SLC9A9: variants seen among roughly 807,000 people sequenced by gnomAD.
SLC9A9 encodes the protein solute carrier family 9 member A9.
A neutral mutation model predicts 77.8 loss-of-function variants in SLC9A9; 62 were observed. The observed-to-expected ratio is 0.80, with a 90% confidence interval of 0.65 to 0.98. The LOEUF (loss-of-function observed/expected upper bound fraction) is 0.98, where lower values mean the gene tolerates loss of function less well. Ranked by LOEUF, SLC9A9 falls within the 50% of genes least tolerant of loss-of-function variation. The probability of loss-of-function intolerance (pLI) is 0.00; values close to 1 mark genes in which losing one functional copy is unlikely to be tolerated. For missense variants in SLC9A9, 775 were observed against 774.9 expected (o/e 1.00, Z 0.00); for synonymous variants, 320 against 283.5 (o/e 1.13, Z -1.29).
chr3:143,477,589 A>C (rs73867660), intron 11 of SLC9A9, among the ~76,000 whole-genome samples: 1,766 of 152,122 alleles, frequency 0.012, 33 homozygotes, highest in African/African-American at 0.04. Flanking sequence ...GGCATCCCCC[A>C]AACCCCACCC....
intron 2 of SLC9A9, among the ~76,000 whole-genome samples, chr3:143,819,275 G>A (rs995002212): frequency 1.3e-5 from 2 of 152,204 alleles, no homozygotes; most frequent in South Asian, 4.1e-4. Flanking sequence ...AGTTAGAAAT[G>A]TCCCATTGTG....
At chr3:143,696,903 AT>A (rs1307142723) in intron 4 of SLC9A9, among the ~76,000 whole-genome samples, 1 of 152,074 alleles carries the variant, frequency 6.6e-6, no homozygotes, top group Non-Finnish European at 1.5e-5. Flanking sequence ...CAATTTGGCA[AT>A]TTATTCTAAA....
intron 8 of SLC9A9, among the ~76,000 whole-genome samples, chr3:143,559,048 G>T (rs1004583949): frequency 1.3e-5 from 2 of 152,152 alleles, no homozygotes; most frequent in East Asian, 3.9e-4. Flanking sequence ...ATAAGATTCA[G>T]GTATTTCCCC....
intron 2 of SLC9A9, among the ~76,000 whole-genome samples, chr3:143,826,327 C>T (rs1472668592): frequency 6.6e-6 from 1 of 151,832 alleles, no homozygotes; most frequent in African/African-American, 2.4e-5. Flanking sequence ...CTTCTTCTAA[C>T]TTTTAACTTC....
intron 14 of SLC9A9, among the ~76,000 whole-genome samples, chr3:143,271,824 G>A (rs541883264): frequency 4.5e-4 from 69 of 152,318 alleles, no homozygotes; most frequent in African/African-American, 1.6e-3. Flanking sequence ...ACTCTCTGTG[G>A]CTGTGAATGG....
At chr3:143,829,798 G>A (rs963212305) in intron 2 of SLC9A9, among the ~76,000 whole-genome samples, 5 of 152,296 alleles carry the variant, frequency 3.3e-5, no homozygotes, top group African/African-American at 4.8e-5. Context: ...ACTAGTAGTA[G>A]TAGTGGTGGT....
intron 4 of SLC9A9, among the ~76,000 whole-genome samples, chr3:143,725,325 T>C (rs1048969809): frequency 2.0e-5 from 3 of 152,052 alleles, no homozygotes; most frequent in African/African-American, 7.2e-5. Flanking sequence ...GAAGTCAGTG[T>C]GGCGATTCCT....
Position 143,405,327 on chromosome 3 carries a change from T to C in SLC9A9, c.1470-23213A>G, listed in dbSNP as rs578201229. Among the ~76,000 whole-genome samples the C allele has an allele frequency of 1.2e-4, 18 of 152,328 alleles. 1 individual carries two copies. The highest frequency in any genetic ancestry group is 5.9e-4 in the Admixed American group (9 of 15,306). ...CTCTCTTGGCAGGGCTGTGGAGCCGTAGACCTCCCATTTTACCTCTCTTGG... is the reference window on the plus strand; with the variant it reads ...CTCTCTTGGCAGGGCTGTGGAGCCGCAGACCTCCCATTTTACCTCTCTTGG... On this transcript the variant is annotated intron_variant, in intron 12 of 15. Transcript: ENST00000316549.
chr3:143,655,216 G>T (rs913182982), intron 5 of SLC9A9, among the ~76,000 whole-genome samples: 4 of 152,150 alleles, frequency 2.6e-5, no homozygotes, highest in South Asian at 2.1e-4. Context: ...AATCTTACAC[G>T]CAATGTCCAA....
intron 12 of SLC9A9, among the ~76,000 whole-genome samples, chr3:143,387,139 C>T (rs2033446155): frequency 6.6e-6 from 1 of 152,056 alleles, no homozygotes; most frequent in African/African-American, 2.4e-5. Flanking sequence ...CTGTGCCTCG[C>T]CTGGTTTGGA....
intron 14 of SLC9A9, among the ~76,000 whole-genome samples, chr3:143,271,312 G>T (rs925618256): frequency 2.6e-5 from 4 of 152,150 alleles, no homozygotes; most frequent in African/African-American, 9.7e-5. Context: ...CTCTGTGCAG[G>T]CTCCAGGATT....
intron 15 of SLC9A9, 37 bp downstream of exon 15, chr3:143,268,838 G>T: frequency 6.6e-7 from 1 of 1,524,366 alleles, no homozygotes; most frequent in African/African-American, 1.4e-5. Flanking sequence ...TCCCACAAGG[G>T]ATATTCCCTC....
chr3:143,751,427 T>C (rs67534321), intron 4 of SLC9A9, among the ~76,000 whole-genome samples: 18,386 of 152,182 alleles, frequency 0.12, 1,958 homozygotes, highest in African/African-American at 0.29. Context: ...TGAAGGAAGC[T>C]ATCTTTCCTG....
chr3:143,368,364 G>A (rs941898191), intron 13 of SLC9A9, among the ~76,000 whole-genome samples: 1 of 152,158 alleles, frequency 6.6e-6, no homozygotes, highest in African/African-American at 2.4e-5. Context: ...AGCAAGAAGG[G>A]ATTGTTTATT....
chr3:143,716,904 T>C (rs1237354079), intron 4 of SLC9A9, among the ~76,000 whole-genome samples: 5 of 152,048 alleles, frequency 3.3e-5, no homozygotes. Context: ...GAGGCAACAG[T>C]AATGTGTTCA....
rs189789014 is a variant in SLC9A9, at chr3:143,490,758, A to T, written c.1315+2895T>A. Among the ~76,000 whole-genome samples the T allele has an allele frequency of 2.0e-3, 310 of 152,354 alleles. 2 individuals carry two copies. Among genetic ancestry groups the T allele is most frequent in the South Asian group, 3.7e-3 (18 of 4,826 alleles). ...TTGCTGTGGCTATGAGTCTCAAAAC[A>T]GTGCCAATGAAAGGGCTCAGGAAGG... is the stretch of plus-strand genomic sequence containing the variant. On this transcript the variant is annotated intron_variant, in intron 11 of 15. Transcript: ENST00000316549.
chr3:143,734,150 T>C (rs1376048384), intron 4 of SLC9A9, among the ~76,000 whole-genome samples: 2 of 152,002 alleles, frequency 1.3e-5, no homozygotes, highest in East Asian at 3.9e-4. Flanking sequence ...TGAGCTATGA[T>C]TGCACCACTG....
chr3:143,304,131 T>C (rs1402663979), intron 14 of SLC9A9, among the ~76,000 whole-genome samples: 1 of 152,334 alleles, frequency 6.6e-6, no homozygotes, highest in Non-Finnish European at 1.5e-5. Flanking sequence ...ATTGTATCCA[T>C]TGTTTTGGGT....
At chr3:143,770,974 T>C (rs1407768098) in intron 4 of SLC9A9, among the ~76,000 whole-genome samples, 6 of 151,952 alleles carry the variant, frequency 3.9e-5, no homozygotes, top group Admixed American at 3.9e-4. Flanking sequence ...AGTATACCTA[T>C]GTAACAAACA....
Sources: gnomAD v4.1 joint callset for allele counts (sites outside exome capture counted in the v4.1 genomes callset) on GRCh38, gnomAD v4.1.1 for gene constraint, MANE v1.5 for transcripts, NCBI Gene and HGNC (gene_info 2026-07-23, HGNC 2026-07-21) for gene names.